Variants in RAB30 observed in about 807,000 individuals in gnomAD.
The protein encoded by RAB30 is ras-related protein Rab-30.
A neutral mutation model predicts 25.1 loss-of-function variants in RAB30; 9 were observed. The ratio of observed to expected loss-of-function variants is 0.36; its 90% CI spans 0.22 to 0.63. The LOEUF (loss-of-function observed/expected upper bound fraction) is 0.63, where lower values mean the gene tolerates loss of function less well. RAB30 is among the 20% of genes least tolerant of loss of function. The pLI, the probability that RAB30 is intolerant of heterozygous loss-of-function variation, is 0.69. For synonymous variants in RAB30, 77 were observed against 86.4 expected, an observed-to-expected ratio of 0.89 and a Z score of 0.60; for missense variants, 140 against 243.5, an observed-to-expected ratio of 0.58 and a Z score of 2.83.
intron 1 of RAB30, among the ~76,000 whole-genome samples, chr11:83,001,208 CTTTTGT>C (rs755260291): frequency 3.1e-3 from 475 of 152,186 alleles, no homozygotes; most frequent in African/African-American, 0.01. Context: ...GTTTTGCTTT[CTTTTGT>C]TTTTGAGACA....
chr11:83,026,129 C>T (rs898820093), intron 1 of RAB30, among the ~76,000 whole-genome samples: 16 of 151,944 alleles, frequency 1.1e-4, no homozygotes, highest in Non-Finnish European at 2.2e-4. Context: ...AGGTTGAGGC[C>T]ACAGTGACCT....
chr11:83,042,761 T>G (rs1017878586), intron 1 of RAB30, among the ~76,000 whole-genome samples: 1 of 152,324 alleles, frequency 6.6e-6, no homozygotes, highest in East Asian at 1.9e-4. Context: ...ATATTTAACC[T>G]GTATATAATC....
chr11:83,067,101 C>T (rs1307004771), intron 1 of RAB30, among the ~76,000 whole-genome samples: 1 of 152,032 alleles, frequency 6.6e-6, no homozygotes, highest in African/African-American at 2.4e-5. Context: ...TGGATGCCTC[C>T]CGCACCCATC....
At chr11:82,987,455 A>C (rs1856758538) in intron 4 of RAB30, 132 bp downstream of exon 4, 1 of 862,402 alleles carries the variant, frequency 1.2e-6, no homozygotes, top group African/African-American at 1.7e-5. Flanking sequence ...ATTGCAGAAG[A>C]ACTGAAGGTT....
intron 1 of RAB30, among the ~76,000 whole-genome samples, chr11:83,028,821 A>C (rs1857784605): frequency 6.6e-6 from 1 of 152,230 alleles, no homozygotes; most frequent in Non-Finnish European, 1.5e-5. Flanking sequence ...AAGATTGCTT[A>C]AGCGCAGCAG....
chr11:82,994,352 G>A (rs1856916451), intron 2 of RAB30, among the ~76,000 whole-genome samples: 2 of 152,066 alleles, frequency 1.3e-5, no homozygotes, highest in Admixed American at 6.5e-5. Context: ...GAAAGAAGAG[G>A]AAAGAGACAG....
At chr11:83,001,388 A>C (rs961149256) in intron 1 of RAB30, among the ~76,000 whole-genome samples, 2 of 152,100 alleles carry the variant, frequency 1.3e-5, no homozygotes, top group Non-Finnish European at 2.9e-5. Context: ...TATGTTACCC[A>C]GGGCTTGTCC....
intron 1 of RAB30, among the ~76,000 whole-genome samples, chr11:83,031,447 T>C (rs1857856151): frequency 1.3e-5 from 2 of 152,226 alleles, no homozygotes; most frequent in South Asian, 4.1e-4. Context: ...TATATTAAAG[T>C]TAGCTCTAGA....
intron 1 of RAB30, among the ~76,000 whole-genome samples, chr11:83,010,752 C>T (rs1857285511): frequency 6.6e-6 from 1 of 152,090 alleles, no homozygotes; most frequent in Non-Finnish European, 1.5e-5. Context: ...TGAGAATTCA[C>T]TTTAGGGAAA....
chr11:82,973,719 AATAAAC>A lies in RAB30; in HGVS notation c.*8440_*8445del, dbSNP rs1243345481. On this transcript the variant is annotated 3_prime_UTR_variant, in exon 5 of 5. Coordinates refer to ENST00000527633, the MANE Select transcript of RAB30 (RefSeq NM_001286060.2). ...ACAGGATTGCAAGAGGTTCTACGTA[AATAAAC>A]ATAAATGATTTGATTTGATTTGTCA... 1 of 152,228 alleles carries A rather than the reference AATAAAC, an allele frequency of 6.6e-6. No homozygotes were observed. Among genetic ancestry groups the A allele is most frequent in the Admixed American group, 6.5e-5 (1 of 15,282 alleles). The allele number at this position is 152,228 out of a possible 1,614,324, so 9.4% of individuals were successfully genotyped here.
intron 1 of RAB30, among the ~76,000 whole-genome samples, chr11:83,070,031 G>T (rs1323591598): frequency 6.6e-6 from 1 of 151,910 alleles, no homozygotes; most frequent in Admixed American, 6.6e-5. Context: ...GATGTGATAT[G>T]CTGGTGATAA....
intron 1 of RAB30, among the ~76,000 whole-genome samples, chr11:83,054,662 A>G (rs1858420891): frequency 6.6e-6 from 1 of 151,884 alleles, no homozygotes; most frequent in African/African-American, 2.4e-5. Context: ...AGAGTTTGAG[A>G]CCAGCCTGGG....
chr11:83,064,029 T>C (rs1051071045), intron 1 of RAB30, among the ~76,000 whole-genome samples: 1 of 152,210 alleles, frequency 6.6e-6, no homozygotes, highest in Non-Finnish European at 1.5e-5. Flanking sequence ...ATCTAACAGT[T>C]GATTATCTTT....
chr11:83,061,410 T>C (rs1412870651), intron 1 of RAB30, among the ~76,000 whole-genome samples: 1 of 152,162 alleles, frequency 6.6e-6, no homozygotes, highest in African/African-American at 2.4e-5. Flanking sequence ...TTTTTAAAAG[T>C]TATAAAGGAC....
intron 3 of RAB30, among the ~76,000 whole-genome samples, chr11:82,990,704 C>A (rs1371327049): frequency 6.6e-6 from 1 of 152,088 alleles, no homozygotes; most frequent in Non-Finnish European, 1.5e-5. Flanking sequence ...TAGAGTTTTT[C>A]TTATTACTCA....
chr11:82,982,059 G>C lies in RAB30; in HGVS notation c.*106C>G. 1 of 1,480,570 alleles carries C rather than the reference G, an allele frequency of 6.8e-7. No individual in the cohort carries two copies. The highest frequency in any genetic ancestry group is 9.2e-7 in the Non-Finnish European group (1 of 1,084,958). The allele number at this position is 1,480,570 out of a possible 1,614,324, so 91.7% of individuals were successfully genotyped here. ...TTTGTAAGCTCAGGAGCCCACAGGA[G>C]TCAGAAGGTCAGAGAGCGGGAGCCA... On this transcript the variant is annotated 3_prime_UTR_variant, in exon 5 of 5. Coordinates refer to ENST00000527633, the MANE Select transcript of RAB30 (RefSeq NM_001286060.2).
chr11:82,989,625 G>A (rs556968839), intron 3 of RAB30, among the ~76,000 whole-genome samples: 102 of 152,318 alleles, frequency 6.7e-4, no homozygotes, highest in African/African-American at 2.4e-3. Flanking sequence ...TTGTGATTGC[G>A]ATTTAGGAAC....
intron 3 of RAB30, among the ~76,000 whole-genome samples, chr11:82,990,350 G>C (rs1205276232): frequency 6.6e-6 from 1 of 152,188 alleles, no homozygotes; most frequent in Non-Finnish European, 1.5e-5. Context: ...TTGAATGATG[G>C]CTAACTAAAT....
chr11:83,059,658 A>G (rs1291629119), intron 1 of RAB30, among the ~76,000 whole-genome samples: 2 of 152,224 alleles, frequency 1.3e-5, no homozygotes, highest in African/African-American at 4.8e-5. Context: ...CTAACTAGGT[A>G]TACGACCCTG....
Sources: gnomAD v4.1 joint callset for allele counts (sites outside exome capture counted in the v4.1 genomes callset) on GRCh38, gnomAD v4.1.1 for gene constraint, MANE v1.5 for transcripts, NCBI Gene and HGNC (gene_info 2026-07-23, HGNC 2026-07-21) for gene names.